MANBA: variants seen among roughly 807,000 people sequenced by gnomAD.
The protein encoded by MANBA is beta-mannosidase.
MANBA carries 83 observed loss-of-function variants against 111.1 expected under a neutral mutation model. The ratio of observed to expected loss-of-function variants is 0.75; its 90% CI spans 0.63 to 0.90. The LOEUF is 0.90. Ranked by LOEUF, MANBA falls within the 40% of genes least tolerant of loss-of-function variation. The pLI, the probability that MANBA is intolerant of heterozygous loss-of-function variation, is 0.00. For missense variants in MANBA, 1,036 were observed against 1,069.0 expected (o/e 0.97, Z 0.43); for synonymous variants, 370 against 378.7 (o/e 0.98, Z 0.27).
At chr4:102,653,352 TAATG>T (rs1353641680) in intron 12 of MANBA, among the ~76,000 whole-genome samples, 8 of 152,216 alleles carry the variant, frequency 5.3e-5, no homozygotes, top group African/African-American at 1.9e-4. Flanking sequence ...ATGATACAGA[TAATG>T]AATGGCAGCT....
chr4:102,703,858 G>A (rs1287002369), intron 5 of MANBA, among the ~76,000 whole-genome samples: 1 of 152,176 alleles, frequency 6.6e-6, no homozygotes, highest in Non-Finnish European at 1.5e-5. Context: ...CACTCTGGGA[G>A]GCTGAGGCGG....
intron 1 of MANBA, chr4:102,751,777 C>A: frequency 1.9e-6 from 1 of 524,644 alleles, no homozygotes. Flanking sequence ...CAAATCCGGT[C>A]CTTGGAAAGA....
At chr4:102,699,369 C>T (rs1047234640) in intron 5 of MANBA, among the ~76,000 whole-genome samples, 4 of 151,800 alleles carry the variant, frequency 2.6e-5, no homozygotes, top group Non-Finnish European at 5.9e-5. Flanking sequence ...TGCCTAATTG[C>T]CCTGGCCAGA....
chr4:102,642,370 G>C (rs1490164570), intron 13 of MANBA, among the ~76,000 whole-genome samples: 1 of 152,172 alleles, frequency 6.6e-6, no homozygotes. Context: ...CACTTTGGGA[G>C]GCTGGGGTGG....
intron 8 of MANBA, among the ~76,000 whole-genome samples, chr4:102,672,694 C>T (rs749328760): frequency 6.6e-6 from 1 of 152,194 alleles, no homozygotes; most frequent in Non-Finnish European, 1.5e-5. Context: ...ACTACCTGAC[C>T]TCCTATCAGA....
chr4:102,708,507 C>A (rs953613012), intron 5 of MANBA, among the ~76,000 whole-genome samples: 5 of 151,874 alleles, frequency 3.3e-5, no homozygotes, highest in African/African-American at 1.2e-4. Context: ...AAAAGCAGTG[C>A]TAAGAGGGAA....
chr4:102,649,469 C>T (rs1349416131), intron 13 of MANBA, among the ~76,000 whole-genome samples: 1 of 152,104 alleles, frequency 6.6e-6, no homozygotes, highest in Admixed American at 6.6e-5. Context: ...TAGGGGTATA[C>T]TGGTATGGCT....
At chr4:102,649,443 C>G (rs1241639714) in intron 13 of MANBA, among the ~76,000 whole-genome samples, 6 of 152,116 alleles carry the variant, frequency 3.9e-5, no homozygotes, top group African/African-American at 4.8e-5. Context: ...TAATTTTAGC[C>G]ATTCTGCTGG....
In MANBA at chr4:102,634,846, TTGGTC is replaced by T. The variant is rs1341763493; in HGVS notation, c.2352_2356del (p.Thr785LeufsTer27). 17 of 1,614,158 alleles carry T rather than the reference TTGGTC, an allele frequency of 1.1e-5. No homozygotes were observed. The highest frequency in any genetic ancestry group is 1.4e-5 in the Non-Finnish European group (16 of 1,180,016). On this transcript the variant is annotated frameshift_variant, in exon 16 of 17. Coordinates refer to ENST00000647097, the MANE Select transcript of MANBA (RefSeq NM_005908.4). LOFTEE classifies it high-confidence loss of function. ...CTTCGGTGAGGACAAGAAGTGGTAG[TTGGTC>T]GGGCTCAGGAGTTCATGGTCAGCTG...
intron 4 of MANBA, among the ~76,000 whole-genome samples, chr4:102,717,810 A>G (rs898426206): frequency 6.6e-6 from 1 of 152,192 alleles, no homozygotes; most frequent in Non-Finnish European, 1.5e-5. Flanking sequence ...ATGACTGGAG[A>G]AGTGAGCATG....
chr4:102,727,230 A>T, intron 1 of MANBA: 1 of 443,970 alleles, frequency 2.3e-6, no homozygotes, highest in Non-Finnish European at 4.2e-6. Context: ...GCTAAATGAT[A>T]GGAAAATCTG....
At chr4:102,729,372 G>C (rs1463217933) in intron 1 of MANBA, 6 of 795,900 alleles carry the variant, frequency 7.5e-6, no homozygotes, top group South Asian at 7.2e-5. Flanking sequence ...CGATCTCCTC[G>C]TATGGTGCCT....
intron 5 of MANBA, among the ~76,000 whole-genome samples, chr4:102,712,606 C>T (rs146339182): frequency 3.8e-4 from 57 of 151,694 alleles, no homozygotes; most frequent in Middle Eastern, 6.8e-3. Flanking sequence ...AGCAGCTCTA[C>T]CTCCTGAGCT....
intron 4 of MANBA, among the ~76,000 whole-genome samples, chr4:102,717,567 A>AT (rs1373181754): frequency 2.0e-5 from 3 of 149,976 alleles, no homozygotes; most frequent in Non-Finnish European, 3.0e-5. Flanking sequence ...TAATTTTTGT[A>AT]TTTTTTTTTA....
chr4:102,650,615 A>G lies in MANBA; in HGVS notation c.1791T>C (p.Tyr597=), dbSNP rs754357109. Reference sequence around the variant, plus strand: ...GGAGTTTGAAATGAAGTCCAGCCTGATAAAGCATTTGTTTGTTACCACCTT... The same window carrying G: ...GGAGTTTGAAATGAAGTCCAGCCTGGTAAAGCATTTGTTTGTTACCACCTT... The part of the protein sequence containing the change: ...HHEGGNKQML[Y]QAGLHFKLPQ... Residue 597 remains tyrosine, a synonymous_variant, in exon 13 of 17, where the codon TAT becomes TAC. Transcript: ENST00000647097. 8.1e-6 allele frequency: 13 copies of G among 1,613,452 alleles called. No homozygotes were observed. The South Asian group carries it at 1.4e-4, about 18-fold the overall frequency.
intron 2 of MANBA, among the ~76,000 whole-genome samples, chr4:102,725,743 G>A (rs1722768832): frequency 6.6e-6 from 1 of 152,066 alleles, no homozygotes; most frequent in Non-Finnish European, 1.5e-5. Flanking sequence ...ATGGAAAGAT[G>A]GAAATGAGAT....
intron 1 of MANBA, among the ~76,000 whole-genome samples, chr4:102,740,242 C>T (rs557068233): frequency 2.0e-5 from 3 of 152,056 alleles, no homozygotes; most frequent in South Asian, 2.1e-4. Flanking sequence ...TAACCAAGGA[C>T]ATGAAAGACC....
intron 1 of MANBA, chr4:102,752,476 A>C (rs1313946051): frequency 1.3e-6 from 1 of 758,600 alleles, no homozygotes; most frequent in African/African-American, 1.7e-5. Flanking sequence ...TTTAGATAAC[A>C]TTGTCAAGTT....
intron 1 of MANBA, among the ~76,000 whole-genome samples, chr4:102,735,034 G>A (rs1332821197): frequency 1.3e-5 from 2 of 152,142 alleles, no homozygotes; most frequent in African/African-American, 4.8e-5. Flanking sequence ...CAGATCTCCT[G>A]CTAATCAGTC....
Sources: gnomAD v4.1 joint callset for allele counts (sites outside exome capture counted in the v4.1 genomes callset) on GRCh38, gnomAD v4.1.1 for gene constraint, MANE v1.5 for transcripts, NCBI Gene and HGNC (gene_info 2026-07-23, HGNC 2026-07-21) for gene names.